The following ARHGAP26 variants were observed in gnomAD, a reference collection of about 807,000 sequenced individuals.
ARHGAP26 encodes the protein Rho GTPase activating protein 26.
Under a neutral mutation model 104.8 loss-of-function variants are expected in ARHGAP26, and 38 were observed. That is an observed-to-expected ratio of 0.36 (90% CI 0.28 to 0.48). The LOEUF is 0.48. ARHGAP26 is among the 20% of genes least tolerant of loss of function. ARHGAP26 has a pLI of 0.99. For missense variants in ARHGAP26, 704 were observed against 947.9 expected, an observed-to-expected ratio of 0.74 and a Z score of 3.38; for synonymous variants, 341 against 340.0, an observed-to-expected ratio of 1.00 and a Z score of -0.03.
intron 6 of ARHGAP26, among the ~76,000 whole-genome samples, chr5:142,896,004 AGT>A (rs10543021): frequency 0.41 from 63,040 of 151,920 alleles, 16,090 homozygotes; most frequent in East Asian, 0.86. Context: ...AACTTCCAGC[AGT>A]GTGGTTTCAG....
At chr5:142,989,813 C>A (rs542659652) in intron 11 of ARHGAP26, among the ~76,000 whole-genome samples, 5 of 152,126 alleles carry the variant, frequency 3.3e-5, no homozygotes, top group South Asian at 4.1e-4. Flanking sequence ...GAGTTTCTGC[C>A]GAGAGATCCG....
chr5:142,918,034 A>G (rs1762722620), intron 10 of ARHGAP26, among the ~76,000 whole-genome samples: 1 of 152,204 alleles, frequency 6.6e-6, no homozygotes, highest in Admixed American at 6.5e-5. Context: ...TTGAACAACG[A>G]ATGAACTGAA....
At chr5:143,125,641 A>G (rs2150831888) in intron 18 of ARHGAP26, among the ~76,000 whole-genome samples, 1 of 152,246 alleles carries the variant, frequency 6.6e-6, no homozygotes, top group Non-Finnish European at 1.5e-5. Context: ...GCTCATGGAA[A>G]TTTTTCTTTT....
At chr5:142,804,878 A>G (rs536542129) in intron 1 of ARHGAP26, among the ~76,000 whole-genome samples, 58 of 152,210 alleles carry the variant, frequency 3.8e-4, no homozygotes, top group Admixed American at 8.5e-4. Context: ...CCATCATGCA[A>G]CCACTAATCT....
chr5:142,992,848 T>C (rs1598524713), intron 11 of ARHGAP26, among the ~76,000 whole-genome samples: 1 of 152,386 alleles, frequency 6.6e-6, no homozygotes, highest in East Asian at 1.9e-4. Context: ...GTGCCTCGCC[T>C]GATGCGGACT....
rs144412491 is a variant in ARHGAP26 at position 143,143,861 on chromosome 5, A to G, written c.1838-3370A>G. Among the ~76,000 whole-genome samples, 67 of 152,336 alleles carry G rather than the reference A, an allele frequency of 4.4e-4. 1 individual carries two copies. Among genetic ancestry groups the G allele is most frequent in the African/African-American group, 1.6e-3 (66 of 41,586 alleles). On this transcript the variant is annotated intron_variant, in intron 19 of 22. Transcript: ENST00000645722. Reference sequence around the variant, plus strand: ...TCACATGCAGTTTGTCACTCCTTATAGAACATATGTTTGTGAAAGCACTGC... The same window carrying G: ...TCACATGCAGTTTGTCACTCCTTATGGAACATATGTTTGTGAAAGCACTGC...
chr5:143,069,953 G>T (rs909661981), intron 17 of ARHGAP26, among the ~76,000 whole-genome samples: 5 of 152,168 alleles, frequency 3.3e-5, no homozygotes, highest in Non-Finnish European at 5.9e-5. Flanking sequence ...CTTCCCAAAG[G>T]CCTGGGCTCC....
At chr5:142,982,247 G>T (rs1480610694) in intron 11 of ARHGAP26, among the ~76,000 whole-genome samples, 1 of 152,262 alleles carries the variant, frequency 6.6e-6, no homozygotes, top group Non-Finnish European at 1.5e-5. Context: ...ATGGCTGGCT[G>T]CTAGCCCAGG....
At chr5:142,977,265 A>T (rs183277664) in intron 11 of ARHGAP26, among the ~76,000 whole-genome samples, 1 of 152,232 alleles carries the variant, frequency 6.6e-6, no homozygotes, top group Non-Finnish European at 1.5e-5. Context: ...AAAGAAAATT[A>T]TATAAAAGTA....
At chr5:142,872,955 G>T (rs1339343972) in intron 1 of ARHGAP26, among the ~76,000 whole-genome samples, 1 of 152,202 alleles carries the variant, frequency 6.6e-6, no homozygotes, top group Non-Finnish European at 1.5e-5. Context: ...GTGAAAGTTT[G>T]TGTTGTGAGT....
rs139086223 is a variant in ARHGAP26 at position 143,016,773 on chromosome 5, T to C, written c.1144+2657T>C. On this transcript the variant is annotated intron_variant, in intron 12 of 22. Coordinates refer to ENST00000645722, the MANE Select transcript of ARHGAP26 (RefSeq NM_001135608.3). ...AATAGGAATTGTTTTTTTAGGGTAT[T>C]GATTGATTTCTAAGCTGGCAAACCA... Among the ~76,000 whole-genome samples, 16 of 152,170 alleles carry C rather than the reference T, an allele frequency of 1.1e-4. No individual in the cohort carries two copies. In the East Asian group the frequency reaches 2.7e-3, roughly 26 times the overall value.
At chr5:142,792,077 AAAG>A (rs1309746498) in intron 1 of ARHGAP26, among the ~76,000 whole-genome samples, 4 of 152,208 alleles carry the variant, frequency 2.6e-5, no homozygotes, top group Admixed American at 6.5e-5. Flanking sequence ...TTAAAATTAA[AAAG>A]AAGTTTCTCT....
chr5:142,823,201 A>G (rs1175328623), intron 1 of ARHGAP26, among the ~76,000 whole-genome samples: 1 of 152,190 alleles, frequency 6.6e-6, no homozygotes, highest in Non-Finnish European at 1.5e-5. Flanking sequence ...GGCCTCTGGC[A>G]TGGAAGCTCG....
chr5:143,044,265 A>G (rs895797934), intron 14 of ARHGAP26, among the ~76,000 whole-genome samples: 3 of 152,176 alleles, frequency 2.0e-5, no homozygotes, highest in African/African-American at 7.2e-5. Context: ...AGGGATGCCA[A>G]TGATGTCTTT....
At chr5:142,950,234 G>A (rs1305257802) in intron 11 of ARHGAP26, among the ~76,000 whole-genome samples, 1 of 152,168 alleles carries the variant, frequency 6.6e-6, no homozygotes. Context: ...GCAGAAAGCT[G>A]AAGGCGGAGA....
intron 19 of ARHGAP26, among the ~76,000 whole-genome samples, chr5:143,146,104 T>A (rs1799126124): frequency 6.6e-6 from 1 of 152,154 alleles, no homozygotes; most frequent in Non-Finnish European, 1.5e-5. Flanking sequence ...GATATGATGT[T>A]TAAGTGAATT....
intron 1 of ARHGAP26, among the ~76,000 whole-genome samples, chr5:142,820,761 GAATGA>G (rs908052094): frequency 1.3e-5 from 2 of 152,134 alleles, no homozygotes; most frequent in African/African-American, 4.8e-5. Context: ...TAAAACATAA[GAATGA>G]AACATTTTTA....
At chr5:143,019,945 A>G (rs1294339573) in intron 12 of ARHGAP26, among the ~76,000 whole-genome samples, 2 of 152,228 alleles carry the variant, frequency 1.3e-5, no homozygotes, top group Non-Finnish European at 2.9e-5. Context: ...TTATGTTGAA[A>G]GGAATATGCT....
intron 17 of ARHGAP26, among the ~76,000 whole-genome samples, chr5:143,104,675 A>G (rs1489831721): frequency 1.3e-5 from 2 of 152,256 alleles, no homozygotes; most frequent in African/African-American, 4.8e-5. Context: ...TGACTGTCCA[A>G]TAACGGGAGA....
Sources: allele counts gnomAD v4.1 joint callset (sites outside exome capture counted in the v4.1 genomes callset), GRCh38; gene constraint gnomAD v4.1.1; transcripts MANE v1.5; gene names NCBI Gene and HGNC (gene_info 2026-07-23, HGNC 2026-07-21).